Variants in TDG observed in about 807,000 individuals in gnomAD.
The protein encoded by TDG is thymine DNA glycosylase, also known as G/T mismatch-specific thymine DNA glycosylase.
Under a neutral mutation model 46.1 loss-of-function variants are expected in TDG, and 23 were observed. The observed-to-expected ratio is 0.50, with a 90% CI of 0.36 to 0.71. TDG has a LOEUF of 0.71. Ranked by LOEUF, TDG falls within the 30% of genes least tolerant of loss-of-function variation. The pLI is 0.00. For missense variants in TDG, 304 were observed against 486.7 expected (o/e 0.62, Z 3.53); for synonymous variants, 115 against 161.3 (o/e 0.71, Z 2.18).
chr12:103,983,831 C>G (rs1433331812), intron 7 of TDG, among the ~76,000 whole-genome samples: 1 of 152,232 alleles, frequency 6.6e-6, no homozygotes, highest in African/African-American at 2.4e-5. Flanking sequence ...ACAACCCAGA[C>G]AAGCCTCCAG....
chr12:103,966,673 A>G (rs1231202778), intron 1 of TDG, among the ~76,000 whole-genome samples: 4 of 152,202 alleles, frequency 2.6e-5, no homozygotes, highest in African/African-American at 9.7e-5. Context: ...GTCAAGAGAA[A>G]AATTTGCAAA....
Position 103,966,004 on chromosome 12 carries a change from C to A in TDG, c.-34C>A. On this transcript the variant is annotated 5_prime_UTR_variant, in exon 1 of 10. Coordinates refer to ENST00000392872, the MANE Select transcript of TDG (RefSeq NM_003211.6). ...AGAGACCGGCTGCCCGTGTGCCCGGCAGGTGGAGCCGCCCGCATCAGCGGC... is the reference window on the plus strand; with the variant it reads ...AGAGACCGGCTGCCCGTGTGCCCGGAAGGTGGAGCCGCCCGCATCAGCGGC... 7 of 1,590,808 alleles carry A rather than the reference C, an allele frequency of 4.4e-6. No homozygotes were observed. The highest frequency in any genetic ancestry group is 1.7e-5 in the Admixed American group (1 of 57,230).
At chr12:103,984,665 A>G (rs1392368474) in intron 7 of TDG, 84 bp from the exon 8 acceptor site, 3 of 1,163,884 alleles carry the variant, frequency 2.6e-6, no homozygotes, top group Non-Finnish European at 3.3e-6. Flanking sequence ...TTATTAACCC[A>G]AATAAAGACA....
chr12:103,980,804 A>G (rs1593515186), intron 3 of TDG, 89 bp from the exon 4 acceptor site: 1 of 1,111,598 alleles, frequency 9.0e-7, no homozygotes, highest in Non-Finnish European at 1.3e-6. Flanking sequence ...ATTTTAATCA[A>G]CTCAATTTTG....
At chr12:103,978,132 CTGTT>C (rs1871629379) in intron 2 of TDG, among the ~76,000 whole-genome samples, 1 of 152,034 alleles carries the variant, frequency 6.6e-6, no homozygotes, top group Admixed American at 6.6e-5. Flanking sequence ...ATTAGAGACA[CTGTT>C]TGAATAATCT....
intron 1 of TDG, among the ~76,000 whole-genome samples, chr12:103,967,669 C>T (rs1299870524): frequency 6.6e-6 from 1 of 151,946 alleles, no homozygotes; most frequent in African/African-American, 2.4e-5. Context: ...GTTGGCCAGG[C>T]TGGTCTTGAA....
Position 103,966,076 on chromosome 12 carries a change from G to C in TDG, c.23+16G>C. 2 of 1,562,002 alleles carry C rather than the reference G, an allele frequency of 1.3e-6. No homozygotes were observed. The highest frequency in any genetic ancestry group is 1.7e-6 in the Non-Finnish European group (2 of 1,153,486). ...ACGCGGGCAGGTAATACCGGGGCCA[G>C]CGCCGCCCCTCCCTTGCGCCCCTCA... is the stretch of plus-strand genomic sequence containing the variant. On this transcript the variant is annotated intron_variant, in intron 1 of 9. Transcript: ENST00000392872.
In TDG at chr12:103,965,939, C is replaced by T. The variant is rs375499117; in HGVS notation, c.-99C>T. 1.3e-6 allele frequency: 2 copies of T among 1,508,476 alleles called. No individual in the cohort carries two copies. Among genetic ancestry groups the T allele is most frequent in the Non-Finnish European group, 1.8e-6 (2 of 1,118,942 alleles). 93.4% of individuals were successfully genotyped at this position (1,508,476 alleles called of 1,614,324 possible). On this transcript the variant is annotated 5_prime_UTR_variant, in exon 1 of 10. Transcript: ENST00000392872. ...ACTGCCAGCCATCGGGCCCAGGTCT[C>T]TGGGGTTGTCTTACCGCAGTGAGTA... is the stretch of plus-strand genomic sequence containing the variant.
intron 1 of TDG, among the ~76,000 whole-genome samples, chr12:103,968,682 AG>A (rs1871166790): frequency 2.0e-5 from 3 of 152,360 alleles, no homozygotes; most frequent in South Asian, 4.1e-4. Context: ...GGGAGAGGCC[AG>A]ATTAAAGCAG....
intron 1 of TDG, among the ~76,000 whole-genome samples, chr12:103,971,381 G>A (rs1035608711): frequency 6.6e-6 from 1 of 152,132 alleles, no homozygotes; most frequent in Non-Finnish European, 1.5e-5. Flanking sequence ...GACCAACATG[G>A]TGAAACCCTG....
chr12:103,976,792 T>C (rs1161521450), intron 1 of TDG, 126 bp from the exon 2 acceptor site: 2 of 1,189,386 alleles, frequency 1.7e-6, no homozygotes, highest in Non-Finnish European at 2.4e-6. Flanking sequence ...TAATCCACTC[T>C]AAATAAATAC....
chr12:103,977,159 A>G, intron 2 of TDG, 99 bp downstream of exon 2: 1 of 1,499,806 alleles, frequency 6.7e-7, no homozygotes, highest in Non-Finnish European at 8.9e-7. Context: ...TTAGTGTTAA[A>G]AAGTCAAATC....
rs1466016870 is a variant in TDG at position 103,987,342 on chromosome 12, T to C, written c.*252T>C. The C allele has an allele frequency of 2.5e-5, 11 of 444,764 alleles. No homozygotes were observed. Among genetic ancestry groups the C allele is most frequent in the African/African-American group, 2.1e-4 (11 of 52,268 alleles). The allele number at this position is 444,764 out of a possible 1,614,324, so 27.6% of individuals were successfully genotyped here. A position where few individuals can be genotyped will look rare whatever the true frequency, so the allele number is the denominator to read the frequency against. ...AGCTTTTTATATACTATATTTCATTTATGAAGAAATTGATTTTCTTTTGGG... is the reference window on the plus strand; with the variant it reads ...AGCTTTTTATATACTATATTTCATTCATGAAGAAATTGATTTTCTTTTGGG... On this transcript the variant is annotated 3_prime_UTR_variant, in exon 10 of 10. Transcript: ENST00000392872.
chr12:103,975,169 A>G (rs1871475573), intron 1 of TDG, among the ~76,000 whole-genome samples: 1 of 152,200 alleles, frequency 6.6e-6, no homozygotes, highest in Non-Finnish European at 1.5e-5. Flanking sequence ...CAGCAACACC[A>G]TGAGATAGTG....
chr12:103,967,591 G>A (rs966122791), intron 1 of TDG, among the ~76,000 whole-genome samples: 8 of 151,656 alleles, frequency 5.3e-5, no homozygotes, highest in Non-Finnish European at 1.0e-4. Flanking sequence ...CAAGTAGCTG[G>A]GATTACAGGC....
chr12:103,985,196 CACACACACACACAT>C (rs1179173964), intron 8 of TDG, among the ~76,000 whole-genome samples: 1 of 144,722 alleles, frequency 6.9e-6, no homozygotes, highest in African/African-American at 2.5e-5. Context: ...CACACACACA[CACACACACACACAT>C]TACAGAAAGT....
chr12:103,985,398 G>A (rs2136243995), intron 8 of TDG, among the ~76,000 whole-genome samples: 1 of 152,080 alleles, frequency 6.6e-6, no homozygotes, highest in Non-Finnish European at 1.5e-5. Flanking sequence ...AAGAAATATT[G>A]TACCCTACGT....
intron 1 of TDG, among the ~76,000 whole-genome samples, chr12:103,969,806 AGCAAGTTGGTAGCCCT>A (rs2136231960): frequency 6.6e-6 from 1 of 152,302 alleles, no homozygotes; most frequent in East Asian, 1.9e-4. Flanking sequence ...CTCCAAAATG[AGCAAGTTGGTAGCCCT>A]GCTCATTTTC....
At chr12:103,979,745 G>A in intron 2 of TDG, 86 bp from the exon 3 acceptor site, 3 of 1,481,534 alleles carry the variant, frequency 2.0e-6, no homozygotes, top group Non-Finnish European at 2.7e-6. Context: ...GGTACAAAAG[G>A]TGCTAGTTGG....
Sources: gnomAD v4.1 joint callset for allele counts (sites outside exome capture counted in the v4.1 genomes callset) on GRCh38, gnomAD v4.1.1 for gene constraint, MANE v1.5 for transcripts, NCBI Gene and HGNC (gene_info 2026-07-23, HGNC 2026-07-21) for gene names.